MEIS2: variants seen among roughly 807,000 people sequenced by gnomAD.
MEIS2 encodes homeobox protein Meis2.
A neutral mutation model predicts 58.6 loss-of-function variants in MEIS2; 9 were observed. That is an observed-to-expected ratio of 0.15 (90% CI 0.09 to 0.27). The LOEUF (loss-of-function observed/expected upper bound fraction) is 0.27. Ranked by LOEUF, MEIS2 falls within the 10% of genes least tolerant of loss-of-function variation. The pLI, the probability that MEIS2 is intolerant of heterozygous loss-of-function variation, is 1.00. For synonymous variants in MEIS2, 221 were observed against 228.4 expected, an observed-to-expected ratio of 0.97 and a Z score of 0.29; for missense variants, 427 against 635.0, an observed-to-expected ratio of 0.67 and a Z score of 3.52.
At chr15:37,084,387 T>G (rs948618516) in intron 6 of MEIS2, among the ~76,000 whole-genome samples, 1 of 152,168 alleles carries the variant, frequency 6.6e-6, no homozygotes, top group African/African-American at 2.4e-5. Context: ...GCCCTTGACA[T>G]CTTTCAAATG....
At chr15:36,902,514 C>A (rs1001747411) in intron 9 of MEIS2, among the ~76,000 whole-genome samples, 1 of 152,214 alleles carries the variant, frequency 6.6e-6, no homozygotes, top group Non-Finnish European at 1.5e-5. Context: ...CCAGTAGCAA[C>A]ATCACCTTGA....
At chr15:37,027,641 A>G (rs2061750716) in intron 8 of MEIS2, among the ~76,000 whole-genome samples, 1 of 152,180 alleles carries the variant, frequency 6.6e-6, no homozygotes, top group Non-Finnish European at 1.5e-5. Flanking sequence ...TTAAACAATT[A>G]TACTTCGAGT....
chr15:37,053,821 G>T (rs934081980), intron 7 of MEIS2, among the ~76,000 whole-genome samples: 1 of 152,074 alleles, frequency 6.6e-6, no homozygotes, highest in African/African-American at 2.4e-5. Context: ...GACATGATAG[G>T]GAGATAACTA....
chr15:36,920,410 G>C (rs1289429450), intron 9 of MEIS2, among the ~76,000 whole-genome samples: 3 of 152,188 alleles, frequency 2.0e-5, no homozygotes, highest in African/African-American at 7.2e-5. Flanking sequence ...GCCTCCCAAA[G>C]TGCTGGGATT....
At chr15:37,098,242 G>A (rs1894566601) in intron 1 of MEIS2, 43 bp from the exon 2 acceptor site, 2 of 1,519,688 alleles carry the variant, frequency 1.3e-6, no homozygotes, top group Non-Finnish European at 1.8e-6. Flanking sequence ...GGAGGTGAGG[G>A]AGAACAGAGG....
intron 8 of MEIS2, among the ~76,000 whole-genome samples, chr15:37,004,774 A>G (rs1259077272): frequency 1.3e-5 from 2 of 152,236 alleles, no homozygotes; most frequent in African/African-American, 2.4e-5. Context: ...ACATCAGCCA[A>G]CAAAACACTA....
intron 8 of MEIS2, among the ~76,000 whole-genome samples, chr15:36,969,601 T>A (rs370096791): frequency 2.6e-5 from 4 of 152,218 alleles, no homozygotes; most frequent in African/African-American, 9.6e-5. Flanking sequence ...ATAAATCCTC[T>A]GTAGTGTATA....
At position 36,895,131 on chromosome 15, in the gene MEIS2, G is replaced by A; in HGVS notation, c.1147+20C>T. 6.2e-7 allele frequency: 1 copy of A among 1,603,348 alleles called. No homozygotes were observed. The highest frequency in any genetic ancestry group is 8.5e-7 in the Non-Finnish European group (1 of 1,171,858). ...GTGGCACTTCCCAGGGAAGCCCAGA[G>A]GCGGGATGAGCCAACCTACCTGCAG... On this transcript the variant is annotated intron_variant, in intron 11 of 11. Transcript: ENST00000561208.
intron 9 of MEIS2, among the ~76,000 whole-genome samples, chr15:36,921,731 A>T (rs1006580359): frequency 3.3e-5 from 5 of 152,030 alleles, no homozygotes; most frequent in African/African-American, 1.2e-4. Context: ...TTGAAAAAAA[A>T]AAAAATGAAA....
At chr15:37,096,925 G>A (rs1043874867) in intron 2 of MEIS2, among the ~76,000 whole-genome samples, 1 of 152,188 alleles carries the variant, frequency 6.6e-6, no homozygotes, top group African/African-American at 2.4e-5. Context: ...ACACACCGGA[G>A]TGACACTTCA....
chr15:36,911,929 T>G (rs1437548393), intron 9 of MEIS2, among the ~76,000 whole-genome samples: 3 of 152,240 alleles, frequency 2.0e-5, no homozygotes, highest in Non-Finnish European at 4.4e-5. Flanking sequence ...AGCGCCATTA[T>G]GGGCTTTTCC....
intron 2 of MEIS2, 106 bp downstream of exon 2, chr15:37,097,861 T>A: frequency 5.0e-6 from 7 of 1,412,510 alleles, no homozygotes; most frequent in South Asian, 1.5e-5. Context: ...CCCCCCACCA[T>A]ACAGAAGTAA....
intron 7 of MEIS2, among the ~76,000 whole-genome samples, chr15:37,043,680 CTTTTTT>C (rs35502089): frequency 1.8e-5 from 2 of 112,930 alleles, no homozygotes; most frequent in African/African-American, 7.5e-5. Context: ...CCGTCCCCTC[CTTTTTT>C]TTTTTTTTTT....
At chr15:36,998,236 G>GCT (rs2060596442) in intron 8 of MEIS2, among the ~76,000 whole-genome samples, 1 of 66,754 alleles carries the variant, frequency 1.5e-5, no homozygotes, top group Non-Finnish European at 2.7e-5. Context: ...AAAACACAAA[G>GCT]TTTTTTTTTT....
At chr15:36,940,850 A>T (rs1290350173) in intron 9 of MEIS2, among the ~76,000 whole-genome samples, 1 of 152,158 alleles carries the variant, frequency 6.6e-6, no homozygotes, top group African/African-American at 2.4e-5. Flanking sequence ...GGGGTCATAG[A>T]ATCCATCTAT....
At chr15:36,998,340 C>T (rs2060603688) in intron 8 of MEIS2, among the ~76,000 whole-genome samples, 1 of 148,432 alleles carries the variant, frequency 6.7e-6, no homozygotes, top group Non-Finnish European at 1.5e-5. Context: ...CCCACCTCAG[C>T]CTCCCAAGCA....
chr15:36,949,200 G>A (rs200244087), intron 9 of MEIS2, among the ~76,000 whole-genome samples: 17 of 147,978 alleles, frequency 1.1e-4, no homozygotes, highest in African/African-American at 3.5e-4. Context: ...ACTTCCCTGG[G>A]AAAAAAAAAA....
chr15:37,069,617 G>T (rs1034340499), intron 7 of MEIS2, among the ~76,000 whole-genome samples: 1 of 152,144 alleles, frequency 6.6e-6, no homozygotes, highest in South Asian at 2.1e-4. Flanking sequence ...ATGTAGGAAT[G>T]CAGAAGAGTT....
At chr15:36,983,579 G>T (rs2059998826) in intron 8 of MEIS2, among the ~76,000 whole-genome samples, 1 of 151,894 alleles carries the variant, frequency 6.6e-6, no homozygotes, top group South Asian at 2.1e-4. Flanking sequence ...CAGTCAATAT[G>T]GTGGCTCCAG....
Sources: gnomAD v4.1 joint callset for allele counts (sites outside exome capture counted in the v4.1 genomes callset) on GRCh38, gnomAD v4.1.1 for gene constraint, MANE v1.5 for transcripts, NCBI Gene and HGNC (gene_info 2026-07-23, HGNC 2026-07-21) for gene names.